Variants in SDHA observed in about 807,000 individuals in gnomAD.
SDHA encodes succinate dehydrogenase [ubiquinone] flavoprotein subunit, mitochondrial.
SDHA carries 48 observed loss-of-function variants against 78.4 expected under a neutral mutation model. That is an observed-to-expected ratio of 0.61 (90% CI 0.49 to 0.78). SDHA has a LOEUF of 0.78. Ranked by LOEUF, SDHA falls within the 30% of genes least tolerant of loss-of-function variation. The pLI is 0.00. For synonymous variants in SDHA, 326 were observed against 353.9 expected, an observed-to-expected ratio of 0.92 and a Z score of 0.88; for missense variants, 680 against 892.7, an observed-to-expected ratio of 0.76 and a Z score of 3.04.
chr5:244,282 T>G (rs113813223), intron 11 of SDHA, among the ~76,000 whole-genome samples: 6,410 of 151,416 alleles, frequency 0.042, no homozygotes, highest in Middle Eastern at 0.058. Flanking sequence ...CTGTGGACCC[T>G]TGCAAGCAGG....
chr5:258,671 CCTGTCACAGCATTA>C (rs1737369950), downstream of SDHA, among the ~76,000 whole-genome samples: 1 of 119,046 alleles, frequency 8.4e-6, no homozygotes, highest in Admixed American at 7.9e-5. Context: ...AGCTCCGCCT[CCTGTCACAGCATTA>C]CCGTGTGAGC....
chr5:262,218 T>C, the SDHA span, among the ~76,000 whole-genome samples: 31 of 106,946 alleles, frequency 2.9e-4, no homozygotes, highest in Non-Finnish European at 4.7e-4. Context: ...GAGCTCCGCC[T>C]CCCGACAGAG....
At chr5:234,374 ACACCACTG>A (rs1264421610) in intron 8 of SDHA, 1 of 145,250 alleles carries the variant, frequency 6.9e-6, no homozygotes, top group Non-Finnish European at 1.5e-5. Context: ...AGCTGAGATC[ACACCACTG>A]CACTCCAGCC....
chr5:268,275 C>G, the SDHA span, among the ~76,000 whole-genome samples: 1 of 151,928 alleles, frequency 6.6e-6, no homozygotes, highest in African/African-American at 2.4e-5. Context: ...CTCCGCCTCC[C>G]GGGTTCACGC....
downstream of SDHA, among the ~76,000 whole-genome samples, chr5:257,389 C>T (rs1457863146): frequency 1.6e-4 from 24 of 149,038 alleles, no homozygotes; most frequent in African/African-American, 3.1e-4. Flanking sequence ...GTGTGAGCTC[C>T]GCCCCCTGCC....
At chr5:231,611 C>T (rs114603107) in intron 7 of SDHA, among the ~76,000 whole-genome samples, 1,621 of 151,712 alleles carry the variant, frequency 0.011, 18 homozygotes, top group African/African-American at 0.038. Context: ...TCCCTCTTCG[C>T]AACGAGGTCG....
rs186472747 is a variant in SDHA, at chr5:225,312, T to C, written c.313-107T>C. 8.4e-5 allele frequency: 119 copies of C among 1,424,628 alleles called. No homozygotes were observed. The African/African-American group carries it at 1.2e-3, about 15-fold the overall frequency. The allele number at this position is 1,424,628 out of a possible 1,614,324, so 88.2% of individuals were successfully genotyped here. Reference sequence around the variant, plus strand: ...GGTCAGCCCTCACTGGGAGTCACTGTGTGAGTAGTTGGCTTTCTCTGAATC... The same window carrying C: ...GGTCAGCCCTCACTGGGAGTCACTGCGTGAGTAGTTGGCTTTCTCTGAATC... On this transcript the variant is annotated intron_variant, in intron 3 of 14. Coordinates refer to ENST00000264932, the MANE Select transcript of SDHA (RefSeq NM_004168.4).
rs377506772 is a variant in SDHA at position 236,478 on chromosome 5, C to T, written c.1311C>T (p.Ala437=). The part of the protein sequence containing the change: ...GQDQIVPGLY[A]CGEAACASVH... The stretch of plus-strand genomic sequence containing the variant: ...ATCAGATTGTGCCCGGCCTGTACGC[C>T]TGTGGGGAGGCCGCCTGTGCCTCGG... Residue 437 remains alanine, a synonymous_variant, in exon 10 of 15, where the codon GCC becomes GCT. Transcript: ENST00000264932. 100 of 1,613,926 alleles carry T rather than the reference C, an allele frequency of 6.2e-5. No homozygotes were observed. The highest frequency in any genetic ancestry group is 8.1e-5 in the Non-Finnish European group (95 of 1,179,772).
At chr5:238,406 C>T (rs1735914360) in intron 10 of SDHA, among the ~76,000 whole-genome samples, 1 of 150,946 alleles carries the variant, frequency 6.6e-6, no homozygotes, top group Admixed American at 6.6e-5. Flanking sequence ...CCCCCAAAAC[C>T]CCCTGCAAAA....
At chr5:220,332 C>T (rs1240266090) in intron 1 of SDHA, 1 of 444,738 alleles carries the variant, frequency 2.2e-6, no homozygotes, top group Non-Finnish European at 4.5e-6. Flanking sequence ...TAACTGCTTA[C>T]TTCAGGTGAA....
Position 235,187 on chromosome 5 carries a change from C to T in SDHA, c.1108C>T (p.His370Tyr), listed in dbSNP as rs1060503704. Residue 370 changes from histidine to tyrosine, a missense_variant, in exon 9 of 15, where the codon CAC becomes TAC. Physicochemically the swap from His to Tyr is moderately conservative, Grantham distance 83 (BLOSUM62 2). Transcript: ENST00000264932. ...EKDHVYLQLH[H>Y]LPPEQLATRL... The stretch of plus-strand genomic sequence containing the variant: ...AGATCACGTCTACCTGCAGCTGCAC[C>T]ACCTACCTCCAGAGCAGCTGGCCAC... 3 of 1,613,854 alleles carry T rather than the reference C, an allele frequency of 1.9e-6. No individual in the cohort carries two copies. The Admixed American group carries it at 5.0e-5, about 27-fold the overall frequency.
chr5:236,185 C>T (rs1735765354), intron 9 of SDHA: 9 of 525,640 alleles, frequency 1.7e-5, no homozygotes, highest in African/African-American at 3.8e-5. Context: ...CCATTATGCC[C>T]CGCTAATTTT....
At chr5:258,892 C>A (rs1406715411), downstream of SDHA, among the ~76,000 whole-genome samples, 1 of 54,672 alleles carries the variant, frequency 1.8e-5, no homozygotes, top group Non-Finnish European at 3.8e-5. Flanking sequence ...GCTCCGCCCT[C>A]CGCCAGAGCA....
intron 11 of SDHA, among the ~76,000 whole-genome samples, chr5:245,425 C>A (rs1197780460): frequency 6.6e-6 from 1 of 152,196 alleles, no homozygotes; most frequent in African/African-American, 2.4e-5. Flanking sequence ...GCCTGCTAAG[C>A]GTTTTCATTG....
At chr5:247,018 G>A (rs1341487165) in intron 11 of SDHA, among the ~76,000 whole-genome samples, 2 of 152,108 alleles carry the variant, frequency 1.3e-5, no homozygotes, top group Non-Finnish European at 2.9e-5. Flanking sequence ...TTAACTAATT[G>A]GATTCTCCCT....
At chr5:266,268 T>C in the SDHA span, among the ~76,000 whole-genome samples, 48 of 152,330 alleles carry the variant, frequency 3.2e-4, no homozygotes, top group Non-Finnish European at 6.3e-4. Context: ...ATATGGGCGT[T>C]TGAGCAAACA....
intron 2 of SDHA, among the ~76,000 whole-genome samples, chr5:223,846 C>G (rs1175980288): frequency 6.6e-6 from 1 of 152,116 alleles, no homozygotes; most frequent in African/African-American, 2.4e-5. Flanking sequence ...TGAACAGTGT[C>G]TGCTGTGATA....
chr5:240,560 T>C, intron 11 of SDHA, 84 bp downstream of exon 11: 1 of 878,008 alleles, frequency 1.1e-6, no homozygotes, highest in Non-Finnish European at 1.9e-6. Flanking sequence ...AAACTAGATC[T>C]AGGGGGATGC....
intron 11 of SDHA, among the ~76,000 whole-genome samples, chr5:243,756 G>A (rs1736280331): frequency 6.6e-6 from 1 of 152,170 alleles, no homozygotes; most frequent in Admixed American, 6.5e-5. Flanking sequence ...AGGCTGCTCT[G>A]TGACCTATCA....
Sources: gnomAD v4.1 joint callset for allele counts (sites outside exome capture counted in the v4.1 genomes callset) on GRCh38, gnomAD v4.1.1 for gene constraint, MANE v1.5 for transcripts, NCBI Gene and HGNC (gene_info 2026-07-23, HGNC 2026-07-21) for gene names.